Variants in TTLL13 observed in about 807,000 individuals in gnomAD.
TTLL13 encodes tubulin polyglutamylase TTLL13.
the TTLL13 span, chr15:90,256,318 AT>A: frequency 1.2e-6 from 2 of 1,613,974 alleles, no homozygotes; most frequent in African/African-American, 2.7e-5. Flanking sequence ...CCTCAGGACC[AT>A]CAGCCTTCCC....
chr15:90,251,883 A>G, the TTLL13 span, among the ~76,000 whole-genome samples: 1 of 149,474 alleles, frequency 6.7e-6, no homozygotes, highest in African/African-American at 2.5e-5. Context: ...GATTTTATTT[A>G]TTTATTTTTG....
the TTLL13 span, chr15:90,262,147 C>G: frequency 6.5e-7 from 1 of 1,535,742 alleles, no homozygotes; most frequent in Non-Finnish European, 8.7e-7. Flanking sequence ...ATGGCTCCCT[C>G]TTCCAAGAGA....
chr15:90,262,283 C>A, the TTLL13 span: 1 of 1,324,052 alleles, frequency 7.6e-7, no homozygotes, highest in Admixed American at 2.8e-5. Context: ...AAGCCAGACA[C>A]CAGCAAAGAG....
chr15:90,251,519 C>T, the TTLL13 span: 1 of 1,599,168 alleles, frequency 6.3e-7, no homozygotes, highest in South Asian at 1.1e-5. Context: ...CCTTCCCTCC[C>T]ACTCTTCCTG....
the TTLL13 span, chr15:90,258,538 G>A: frequency 1.6e-6 from 1 of 615,352 alleles, no homozygotes; most frequent in South Asian, 2.0e-5. Context: ...TATCTAGAGA[G>A]GCAGGCCAGC....
the TTLL13 span, among the ~76,000 whole-genome samples, chr15:90,252,281 C>A: frequency 6.6e-6 from 1 of 152,154 alleles, no homozygotes; most frequent in Admixed American, 6.5e-5. Context: ...AGGTGATCCA[C>A]CCACCTCAGC....
At chr15:90,260,579 G>A in the TTLL13 span, among the ~76,000 whole-genome samples, 3 of 152,120 alleles carry the variant, frequency 2.0e-5, no homozygotes, top group African/African-American at 7.2e-5. Flanking sequence ...GCGGCCAGGT[G>A]CAGTGACTCA....
chr15:90,253,541 G>A, the TTLL13 span, among the ~76,000 whole-genome samples: 5 of 152,176 alleles, frequency 3.3e-5, no homozygotes, highest in African/African-American at 9.7e-5. Flanking sequence ...CTTGGAGATT[G>A]TGGGTTTCTG....
the TTLL13 span, chr15:90,261,900 AG>A: frequency 1.1e-6 from 1 of 920,550 alleles, no homozygotes; most frequent in South Asian, 2.1e-5. Context: ...GGGGCCCAGG[AG>A]GTCAAGAAGC....
At chr15:90,261,494 A>G in the TTLL13 span, among the ~76,000 whole-genome samples, 8 of 151,674 alleles carry the variant, frequency 5.3e-5, no homozygotes, top group Admixed American at 2.6e-4. Flanking sequence ...ACCCCTCTCC[A>G]CTTAAGATGA....
chr15:90,262,667 G>A, the TTLL13 span: 1 of 1,483,570 alleles, frequency 6.7e-7, no homozygotes, highest in African/African-American at 1.4e-5. Context: ...CTGGGAGAAA[G>A]AGGTGCCAGG....
chr15:90,263,094 C>T, the TTLL13 span: 3 of 1,536,060 alleles, frequency 2.0e-6, no homozygotes, highest in East Asian at 7.3e-5. Context: ...AGCAGCTCAC[C>T]CGTCTGCAGC....
At chr15:90,261,310 C>T in the TTLL13 span, among the ~76,000 whole-genome samples, 1 of 151,004 alleles carries the variant, frequency 6.6e-6, no homozygotes, top group South Asian at 2.1e-4. Flanking sequence ...AATTCCCAAC[C>T]TCAAGTGATC....
the TTLL13 span, chr15:90,263,320 G>T: frequency 1.7e-6 from 1 of 580,926 alleles, no homozygotes; most frequent in Admixed American, 3.3e-5. Flanking sequence ...TTTTGCGTCT[G>T]TTCCCAAGCT....
At chr15:90,256,642 TTTC>T in the TTLL13 span, among the ~76,000 whole-genome samples, 1 of 104,124 alleles carries the variant, frequency 9.6e-6, no homozygotes, top group African/African-American at 5.2e-5. Flanking sequence ...TCCTTCCTTC[TTTC>T]TTTCTCCCTT....
the TTLL13 span, chr15:90,255,736 C>A: frequency 4.3e-6 from 7 of 1,614,132 alleles, no homozygotes; most frequent in Non-Finnish European, 5.9e-6. Context: ...GGGGCTCATA[C>A]TAACTGGCTG....
the TTLL13 span, among the ~76,000 whole-genome samples, chr15:90,256,611 T>TTTC: frequency 6.0e-3 from 259 of 43,164 alleles, 2 homozygotes; most frequent in African/African-American, 0.032. Flanking sequence ...CTTTCTTTCC[T>TTTC]TCCTTCCTTC....
the TTLL13 span, chr15:90,264,058 CG>C: frequency 6.6e-7 from 1 of 1,525,190 alleles, no homozygotes; most frequent in South Asian, 1.2e-5. Context: ...GCTCACTAGC[CG>C]TAAGTATGCA....
chr15:90,252,623 C>T, the TTLL13 span, among the ~76,000 whole-genome samples: 1 of 152,134 alleles, frequency 6.6e-6, no homozygotes, highest in Non-Finnish European at 1.5e-5. Context: ...TATAAGGAAC[C>T]ACACAAGTAT....
Sources: gnomAD v4.1 joint callset for allele counts (sites outside exome capture counted in the v4.1 genomes callset) on GRCh38, gnomAD v4.1.1 for gene constraint, MANE v1.5 for transcripts, NCBI Gene and HGNC (gene_info 2026-07-23, HGNC 2026-07-21) for gene names.